The following SCHIP1 variants were observed in gnomAD, a reference collection of about 807,000 sequenced individuals.
SCHIP1 encodes schwannomin-interacting protein 1.
In SCHIP1, 8 loss-of-function variants were observed where a neutral mutation model predicts 29.7. The observed-to-expected ratio is 0.27, with a 90% CI of 0.16 to 0.49. SCHIP1 has a LOEUF of 0.49. SCHIP1 is among the 20% of genes least tolerant of loss of function. SCHIP1 has a pLI of 0.99. For synonymous variants in SCHIP1, 76 were observed against 94.9 expected, an observed-to-expected ratio of 0.80 and a Z score of 1.16; for missense variants, 193 against 294.6, an observed-to-expected ratio of 0.66 and a Z score of 2.52.
At chr3:159,803,727 A>G in the SCHIP1 span, among the ~76,000 whole-genome samples, 1 of 152,192 alleles carries the variant, frequency 6.6e-6, no homozygotes, top group Non-Finnish European at 1.5e-5. Context: ...GTATGTATAC[A>G]TTGGGAATGT....
At chr3:159,527,647 A>G in the SCHIP1 span, among the ~76,000 whole-genome samples, 2 of 152,246 alleles carry the variant, frequency 1.3e-5, no homozygotes, top group Admixed American at 1.3e-4. Context: ...TTTTTGATAG[A>G]ATAAGAAGTG....
In SCHIP1 at chr3:159,890,585, A is replaced by T. The variant is rs180816077; in HGVS notation, c.590-1512A>T. Among the ~76,000 whole-genome samples, 45 of 152,312 alleles carry T rather than the reference A, an allele frequency of 3.0e-4. 1 individual carries two copies. The highest frequency in any genetic ancestry group is 1.9e-3 in the South Asian group (9 of 4,822). ...AAACCATAGATTCACAGGATTTTTT[A>T]AAAAAATTCTACAACTGCATTTTAA... On this transcript the variant is annotated intron_variant, in intron 5 of 6. Coordinates refer to ENST00000445224, the Ensembl canonical transcript of SCHIP1.
At chr3:159,351,070 C>T in the SCHIP1 span, among the ~76,000 whole-genome samples, 2 of 152,168 alleles carry the variant, frequency 1.3e-5, no homozygotes, top group East Asian at 1.9e-4. Context: ...AGCATCATGT[C>T]AGCTCTTTAG....
At chr3:159,287,598 T>G in the SCHIP1 span, among the ~76,000 whole-genome samples, 6 of 152,204 alleles carry the variant, frequency 3.9e-5, no homozygotes, top group African/African-American at 1.4e-4. Flanking sequence ...TAGCTAAAAT[T>G]TATACCGCAT....
At chr3:159,428,977 A>T in the SCHIP1 span, among the ~76,000 whole-genome samples, 1 of 148,264 alleles carries the variant, frequency 6.7e-6, no homozygotes, top group Non-Finnish European at 1.5e-5. Context: ...GTTCTCACTC[A>T]TAGGTGGGAA....
chr3:159,289,872 G>A, the SCHIP1 span, among the ~76,000 whole-genome samples: 1 of 152,194 alleles, frequency 6.6e-6, no homozygotes, highest in Non-Finnish European at 1.5e-5. Flanking sequence ...CAAGTGAAGG[G>A]TAAGATAGAC....
At chr3:159,511,658 T>C in the SCHIP1 span, among the ~76,000 whole-genome samples, 3 of 152,118 alleles carry the variant, frequency 2.0e-5, no homozygotes, top group African/African-American at 7.2e-5. Context: ...AGTACAAGGA[T>C]AGACAGATCA....
At chr3:159,629,278 AAAAAAAG>A in the SCHIP1 span, among the ~76,000 whole-genome samples, 6 of 152,098 alleles carry the variant, frequency 3.9e-5, no homozygotes, top group East Asian at 1.9e-4. Context: ...GACCCTGTCT[AAAAAAAG>A]AAAAAAGAAA....
the SCHIP1 span, among the ~76,000 whole-genome samples, chr3:159,822,838 A>C: frequency 6.9e-4 from 104 of 151,650 alleles, 2 homozygotes; most frequent in African/African-American, 2.4e-3. Context: ...GGGTGTTAGG[A>C]AGGACAGACA....
the SCHIP1 span, among the ~76,000 whole-genome samples, chr3:159,602,428 G>A: frequency 4.3e-4 from 66 of 152,212 alleles, no homozygotes; most frequent in East Asian, 7.9e-3. Context: ...ACATCAGGCC[G>A]GGCCAGGCAT....
chr3:159,439,138 C>T, the SCHIP1 span, among the ~76,000 whole-genome samples: 35 of 152,266 alleles, frequency 2.3e-4, no homozygotes, highest in African/African-American at 8.4e-4. Flanking sequence ...TTCTGCACAA[C>T]CTCACCAATA....
the SCHIP1 span, among the ~76,000 whole-genome samples, chr3:159,367,745 G>T: frequency 4.6e-5 from 7 of 151,842 alleles, no homozygotes; most frequent in African/African-American, 1.7e-4. Flanking sequence ...CATCCAAAAT[G>T]CCCTCACCCT....
intron 2 of SCHIP1, among the ~76,000 whole-genome samples, chr3:159,872,565 C>G (rs1428137830): frequency 2.0e-5 from 3 of 152,182 alleles, no homozygotes; most frequent in African/African-American, 7.2e-5. Flanking sequence ...ACAAGCTACA[C>G]TTGTTGACTC....
chr3:159,307,787 G>C, the SCHIP1 span, among the ~76,000 whole-genome samples: 840 of 152,140 alleles, frequency 5.5e-3, 1 homozygote, highest in Middle Eastern at 0.01. Context: ...AATCTTCTGT[G>C]TATAGCCAGC....
the SCHIP1 span, among the ~76,000 whole-genome samples, chr3:159,623,728 C>T: frequency 6.6e-6 from 1 of 152,120 alleles, no homozygotes; most frequent in African/African-American, 2.4e-5. Context: ...CTGTAGGGTA[C>T]TTGTATAAAA....
intron 3 of SCHIP1, 67 bp from the exon 5 acceptor site, chr3:159,887,641 G>C: frequency 9.5e-6 from 15 of 1,576,398 alleles, no homozygotes; most frequent in Non-Finnish European, 1.2e-5. Flanking sequence ...GGATGTTGTA[G>C]CCCATCTCTA....
the SCHIP1 span, among the ~76,000 whole-genome samples, chr3:159,784,171 C>T: frequency 2.0e-5 from 3 of 152,180 alleles, no homozygotes; most frequent in East Asian, 5.8e-4. Context: ...TCCTCTTCCA[C>T]CTACCGCAAT....
At chr3:159,465,106 A>G in the SCHIP1 span, among the ~76,000 whole-genome samples, 2 of 152,128 alleles carry the variant, frequency 1.3e-5, no homozygotes, top group Non-Finnish European at 2.9e-5. Flanking sequence ...AGTGTTGCCT[A>G]TACAGTAGTT....
At chr3:159,415,064 A>T in the SCHIP1 span, among the ~76,000 whole-genome samples, 3 of 152,194 alleles carry the variant, frequency 2.0e-5, no homozygotes, top group Non-Finnish European at 4.4e-5. Context: ...ATTAGTGAAG[A>T]TTAATTTGTT....
Sources: allele counts gnomAD v4.1 joint callset (sites outside exome capture counted in the v4.1 genomes callset), GRCh38; gene constraint gnomAD v4.1.1; transcripts MANE v1.5; gene names NCBI Gene and HGNC (gene_info 2026-07-23, HGNC 2026-07-21).